The following PTH2R variants were observed in gnomAD, a reference collection of about 807,000 sequenced individuals.
PTH2R encodes the protein PTH2 receptor.
In PTH2R, 59 loss-of-function variants were observed where a neutral mutation model predicts 60.3. That is an observed-to-expected ratio of 0.98 (90% CI 0.79 to 1.22). PTH2R has a LOEUF of 1.22. PTH2R is among the 50% of genes most tolerant of loss of function. The probability of loss-of-function intolerance (pLI) is 0.00; values close to 1 mark genes in which losing one functional copy is unlikely to be tolerated. For synonymous variants in PTH2R, 256 were observed against 243.8 expected (o/e 1.05, Z -0.47); for missense variants, 749 against 682.6 (o/e 1.10, Z -1.08).
chr2:208,450,601 G>C lies in PTH2R; in HGVS notation c.854-148G>C, dbSNP rs1214466775. 68 of 683,674 alleles carry C rather than the reference G, an allele frequency of 9.9e-5. No individual in the cohort carries two copies. In the South Asian group the frequency reaches 1.3e-3, roughly 13 times the overall value. The allele number at this position is 683,674 out of a possible 1,614,324, so 42.4% of individuals were successfully genotyped here. A position where few individuals can be genotyped will look rare whatever the true frequency, so the allele number is the denominator to read the frequency against. ...AAACTGACATGATTAAAAATTAAGT[G>C]GACTTTTCTTGTTCACATATCAGAA... On this transcript the variant is annotated intron_variant, in intron 7 of 12. Transcript: ENST00000272847.
At chr2:208,385,509 T>A (rs1700985649) in intron 1 of PTH2R, among the ~76,000 whole-genome samples, 2 of 152,184 alleles carry the variant, frequency 1.3e-5, no homozygotes, top group African/African-American at 4.8e-5. Context: ...CATTTCCACT[T>A]CTAGACTTTG....
At chr2:208,372,113 G>A (rs1243947483) in intron 1 of PTH2R, among the ~76,000 whole-genome samples, 1 of 152,004 alleles carries the variant, frequency 6.6e-6, no homozygotes, top group African/African-American at 2.4e-5. Context: ...AGTAGAGATG[G>A]GGTTTCACCA....
chr2:208,460,154 C>A (rs1702604700), intron 9 of PTH2R, among the ~76,000 whole-genome samples, 193 bp downstream of exon 9: 1 of 152,060 alleles, frequency 6.6e-6, no homozygotes, highest in Non-Finnish European at 1.5e-5. Context: ...ATGCAGAAAG[C>A]CTTCCTTTAA....
intron 1 of PTH2R, among the ~76,000 whole-genome samples, chr2:208,362,144 A>G (rs1191726069): frequency 2.0e-5 from 3 of 152,230 alleles, no homozygotes; most frequent in Admixed American, 1.3e-4. Flanking sequence ...TTCAGACTCC[A>G]GAAGTTATAC....
chr2:208,359,901 C>G, exon 1 of PTH2R: 2 of 219,986 alleles, frequency 9.1e-6, no homozygotes, highest in South Asian at 1.1e-4. Flanking sequence ...GCCAGCTGCG[C>G]AGGGAGACCG....
In PTH2R at chr2:208,438,562, G is replaced by A. The variant is rs1217499275; in HGVS notation, c.411+681G>A. ...CATATATAAACTTTGGGATATTCTA[G>A]AGAGTTGCTTTTAAGTTATAAAAGT... On this transcript the variant is annotated intron_variant, in intron 4 of 12. Coordinates refer to ENST00000272847, the MANE Select transcript of PTH2R (RefSeq NM_005048.4). Among the ~76,000 whole-genome samples the A allele has an allele frequency of 3.3e-5, 5 of 152,288 alleles. No homozygotes were observed. In the East Asian group the frequency reaches 9.6e-4, roughly 29 times the overall value.
At chr2:208,417,541 CTTTTTTTTTTTTTT>C (rs56354728) in intron 1 of PTH2R, among the ~76,000 whole-genome samples, 87 of 87,912 alleles carry the variant, frequency 9.9e-4, no homozygotes, top group Middle Eastern at 0.01. Flanking sequence ...AGGTGGGAAT[CTTTTTTTTTTTTTT>C]TTTTTTTTTT....
At chr2:208,420,983 C>G (rs13032031) in intron 1 of PTH2R, among the ~76,000 whole-genome samples, 29,442 of 152,124 alleles carry the variant, frequency 0.19, 3,145 homozygotes, top group South Asian at 0.26. Context: ...TTTTTTGTCT[C>G]TGTAATCATT....
intron 4 of PTH2R, among the ~76,000 whole-genome samples, chr2:208,440,502 G>T (rs746492933): frequency 1.3e-5 from 2 of 152,066 alleles, no homozygotes; most frequent in Non-Finnish European, 2.9e-5. Context: ...GTAGGCAGTC[G>T]CAACAATAAG....
intron 1 of PTH2R, among the ~76,000 whole-genome samples, chr2:208,408,347 T>C (rs1392647585): frequency 3.3e-5 from 5 of 152,178 alleles, no homozygotes; most frequent in Admixed American, 2.0e-4. Context: ...TAAATTTCCA[T>C]GATCGTTATA....
At chr2:208,380,281 G>A (rs1417306186) in intron 1 of PTH2R, among the ~76,000 whole-genome samples, 1 of 152,076 alleles carries the variant, frequency 6.6e-6, no homozygotes. Context: ...CAAGTGACAG[G>A]ACATAAACTT....
intron 9 of PTH2R, among the ~76,000 whole-genome samples, chr2:208,461,525 T>A (rs1702635191): frequency 6.6e-6 from 1 of 152,158 alleles, no homozygotes; most frequent in Non-Finnish European, 1.5e-5. Context: ...GCCTTCAGTG[T>A]CTTGTACTGA....
chr2:208,388,412 T>G (rs1052027565), intron 1 of PTH2R, among the ~76,000 whole-genome samples: 5 of 152,176 alleles, frequency 3.3e-5, no homozygotes, highest in Admixed American at 2.0e-4. Flanking sequence ...CAAAAAGGTC[T>G]AACCTTCGGT....
chr2:208,494,503 A>C lies in PTH2R; in HGVS notation c.*844A>C, dbSNP rs1703489056. 6.6e-6 allele frequency: 1 copy of C among 152,202 alleles called. No individual in the cohort carries two copies. The highest frequency in any genetic ancestry group is 1.5e-5 in the Non-Finnish European group (1 of 68,038). The allele number at this position is 152,202 out of a possible 1,614,324, so 9.4% of individuals were successfully genotyped here. ...GGATCAATTAAAAATTTGTTTTAAA[A>C]ATACATTTTGGATCACTTTTTAAAA... is the stretch of plus-strand genomic sequence containing the variant. On this transcript the variant is annotated 3_prime_UTR_variant, in exon 13 of 13. Coordinates refer to ENST00000272847, the MANE Select transcript of PTH2R (RefSeq NM_005048.4).
chr2:208,418,804 A>G (rs544142243), intron 1 of PTH2R, among the ~76,000 whole-genome samples: 9 of 152,284 alleles, frequency 5.9e-5, no homozygotes, highest in South Asian at 2.1e-4. Flanking sequence ...TTACTTCACA[A>G]TACATCCTGG....
At chr2:208,422,537 G>C (rs1701777314) in intron 1 of PTH2R, among the ~76,000 whole-genome samples, 1 of 152,118 alleles carries the variant, frequency 6.6e-6, no homozygotes, top group Non-Finnish European at 1.5e-5. Context: ...TTTTTGTAAA[G>C]CTATAAAATA....
chr2:208,381,824 T>A lies in PTH2R; in HGVS notation c.-259+21587T>A. On this transcript the variant is annotated intron_variant, in intron 1 of 12. Transcript: ENST00000617735. ...AAAGAGAGATTATCTTGGGCTGAAC[T>A]AAACTAATCCCAGCAAGATAACAGG... Among the ~76,000 whole-genome samples, 2 of 152,140 alleles carry A rather than the reference T, an allele frequency of 1.3e-5. 1 individual carries two copies. The highest frequency in any genetic ancestry group is 3.8e-4 in the East Asian group (2 of 5,202).
chr2:208,406,556 G>A (rs953868993), upstream of PTH2R, among the ~76,000 whole-genome samples: 1 of 152,174 alleles, frequency 6.6e-6, no homozygotes, highest in Non-Finnish European at 1.5e-5. Context: ...GACCCAGGGC[G>A]CCCCTAGAGA....
At chr2:208,375,632 A>G (rs748003464) in intron 1 of PTH2R, among the ~76,000 whole-genome samples, 1 of 152,126 alleles carries the variant, frequency 6.6e-6, no homozygotes, top group African/African-American at 2.4e-5. Flanking sequence ...GCAACTCTGC[A>G]TAGTCTAGAT....
Sources: gnomAD v4.1 joint callset for allele counts (sites outside exome capture counted in the v4.1 genomes callset) on GRCh38, gnomAD v4.1.1 for gene constraint, MANE v1.5 for transcripts, NCBI Gene and HGNC (gene_info 2026-07-23, HGNC 2026-07-21) for gene names.